Variants in GRIP1 observed in about 807,000 individuals in gnomAD.
The protein encoded by GRIP1 is glutamate receptor-interacting protein 1.
In GRIP1, 45 loss-of-function variants were observed where a neutral mutation model predicts 129.9. That is an observed-to-expected ratio of 0.35 (90% CI 0.27 to 0.44). The LOEUF is 0.44. Among genes scored for constraint, GRIP1 ranks in the 20% least tolerant of loss-of-function variants. The probability of loss-of-function intolerance (pLI) is 1.00; values close to 1 mark genes in which losing one functional copy is unlikely to be tolerated. For missense variants in GRIP1, 1,196 were observed against 1,396.8 expected (o/e 0.86, Z 2.29); for synonymous variants, 530 against 520.8 (o/e 1.02, Z -0.24).
At chr12:66,371,152 T>C in intron 23 of GRIP1, among the ~76,000 whole-genome samples, 1 of 139,870 alleles carries the variant, frequency 7.1e-6, no homozygotes, top group Non-Finnish European at 1.5e-5. Context: ...ATTATGGCCA[T>C]AAATAATTTT....
chr12:66,366,907 C>T (rs186235939), intron 23 of GRIP1, among the ~76,000 whole-genome samples: 2 of 152,230 alleles, frequency 1.3e-5, no homozygotes, highest in East Asian at 1.9e-4. Context: ...TGGCCTCTAA[C>T]TTGTGGGCTC....
At chr12:66,804,764 C>T (rs2038954321), upstream of GRIP1, among the ~76,000 whole-genome samples, 1 of 152,170 alleles carries the variant, frequency 6.6e-6, no homozygotes, top group African/African-American at 2.4e-5. Flanking sequence ...CTTGGGAAAC[C>T]TCTTGAAAAG....
At chr12:66,764,073 G>A (rs1238657904) in intron 1 of GRIP1, among the ~76,000 whole-genome samples, 1 of 152,188 alleles carries the variant, frequency 6.6e-6, no homozygotes, top group Non-Finnish European at 1.5e-5. Context: ...CAGCAAAAGT[G>A]ATGTGGACCA....
At chr12:66,903,871 A>T (rs1247999598) in intron 1 of GRIP1, among the ~76,000 whole-genome samples, 4 of 152,156 alleles carry the variant, frequency 2.6e-5, no homozygotes, top group Non-Finnish European at 5.9e-5. Flanking sequence ...CTGCCTTCTG[A>T]TGGAGGATGA....
At chr12:66,739,125 G>C (rs1481949164) in intron 1 of GRIP1, among the ~76,000 whole-genome samples, 1 of 152,166 alleles carries the variant, frequency 6.6e-6, no homozygotes, top group Non-Finnish European at 1.5e-5. Context: ...CATCAAAGAA[G>C]TACCTTGTCT....
At chr12:66,628,950 A>G (rs1038680806) in intron 1 of GRIP1, among the ~76,000 whole-genome samples, 12 of 152,314 alleles carry the variant, frequency 7.9e-5, no homozygotes, top group African/African-American at 2.9e-4. Context: ...GTTTTGCACC[A>G]TTGTACTTCC....
chr12:67,023,690 T>C (rs1182498177), intron 1 of GRIP1, among the ~76,000 whole-genome samples: 1 of 152,144 alleles, frequency 6.6e-6, no homozygotes, highest in African/African-American at 2.4e-5. Context: ...ATTGAATCTA[T>C]AGATTAAGCA....
At chr12:67,054,866 A>G (rs528831027) in intron 1 of GRIP1, among the ~76,000 whole-genome samples, 2 of 152,190 alleles carry the variant, frequency 1.3e-5, no homozygotes, top group Non-Finnish European at 2.9e-5. Context: ...GCCAGTAAGG[A>G]GGAGGAAAAG....
At chr12:66,802,795 C>T (rs2038896379) in intron 1 of GRIP1, among the ~76,000 whole-genome samples, 2 of 152,096 alleles carry the variant, frequency 1.3e-5, no homozygotes, top group African/African-American at 2.4e-5. Flanking sequence ...TTTGATGTGA[C>T]ATAAATTTTA....
intron 1 of GRIP1, among the ~76,000 whole-genome samples, chr12:67,024,197 T>C (rs1376133823): frequency 6.6e-6 from 1 of 152,210 alleles, no homozygotes; most frequent in East Asian, 1.9e-4. Context: ...CTTTACTTTC[T>C]ATGACTCTTG....
intron 7 of GRIP1, among the ~76,000 whole-genome samples, chr12:66,506,395 C>G (rs1180063040): frequency 6.6e-6 from 1 of 152,088 alleles, no homozygotes; most frequent in Non-Finnish European, 1.5e-5. Context: ...CAATATGATA[C>G]AATCTCACAA....
intron 20 of GRIP1, among the ~76,000 whole-genome samples, chr12:66,377,494 AT>A (rs372760716): frequency 0.048 from 6,413 of 134,286 alleles, 181 homozygotes; most frequent in African/African-American, 0.073. Context: ...CGCCTGGCTA[AT>A]TTTTTTTTTT....
intron 1 of GRIP1, among the ~76,000 whole-genome samples, chr12:66,615,071 G>A (rs1471829866): frequency 6.6e-6 from 1 of 151,994 alleles, no homozygotes; most frequent in East Asian, 1.9e-4. Context: ...TTTAATGTCT[G>A]TCTCCCTTAC....
chr12:66,612,100 A>G (rs1245749182), intron 1 of GRIP1, among the ~76,000 whole-genome samples: 1 of 152,188 alleles, frequency 6.6e-6, no homozygotes, highest in Admixed American at 6.5e-5. Context: ...TAACCAATAT[A>G]ATGCATATAA....
chr12:66,362,222 C>T (rs575725981), intron 23 of GRIP1, among the ~76,000 whole-genome samples: 10 of 139,886 alleles, frequency 7.1e-5, no homozygotes, highest in Admixed American at 1.5e-4. Context: ...GGTGTGATCT[C>T]GGCTCACCAC....
intron 15 of GRIP1, among the ~76,000 whole-genome samples, chr12:66,415,931 TG>T (rs2057584883): frequency 6.6e-6 from 1 of 152,000 alleles, no homozygotes; most frequent in African/African-American, 2.4e-5. Context: ...GGTGAGGTGA[TG>T]GGAGGGAGAC....
intron 19 of GRIP1, among the ~76,000 whole-genome samples, chr12:66,383,110 A>G (rs936250914): frequency 6.6e-6 from 1 of 152,132 alleles, no homozygotes; most frequent in African/African-American, 2.4e-5. Context: ...CAGCCTGGCC[A>G]ACATAGCGAA....
At chr12:66,937,538 T>C (rs2041506915) in intron 1 of GRIP1, among the ~76,000 whole-genome samples, 1 of 152,156 alleles carries the variant, frequency 6.6e-6, no homozygotes, top group Admixed American at 6.6e-5. Flanking sequence ...CACAAGCTCA[T>C]ACCTAAAATA....
intron 1 of GRIP1, among the ~76,000 whole-genome samples, chr12:66,673,309 T>C (rs1317177680): frequency 6.6e-6 from 1 of 152,210 alleles, no homozygotes; most frequent in African/African-American, 2.4e-5. Flanking sequence ...GCTCAATAAA[T>C]GTTAGCTATC....
Sources: allele counts gnomAD v4.1 joint callset (sites outside exome capture counted in the v4.1 genomes callset), GRCh38; gene constraint gnomAD v4.1.1; transcripts MANE v1.5; gene names NCBI Gene and HGNC (gene_info 2026-07-23, HGNC 2026-07-21).